ANGPTL1: variants seen among roughly 807,000 people sequenced by gnomAD.
ANGPTL1 encodes angiopoietin like 1, also known as angiopoietin-related protein 1.
Under a neutral mutation model 46.7 loss-of-function variants are expected in ANGPTL1, and 36 were observed. The ratio of observed to expected loss-of-function variants is 0.77; its 90% CI spans 0.59 to 1.02. ANGPTL1 has a LOEUF of 1.02. ANGPTL1 is among the 50% of genes least tolerant of loss of function. ANGPTL1 has a pLI of 0.00. For missense variants in ANGPTL1, 571 were observed against 594.7 expected, an observed-to-expected ratio of 0.96 and a Z score of 0.41; for synonymous variants, 221 against 204.3, an observed-to-expected ratio of 1.08 and a Z score of -0.69.
intron 3 of ANGPTL1, among the ~76,000 whole-genome samples, chr1:178,855,462 C>G (rs1457850949): frequency 1.3e-5 from 2 of 151,768 alleles, no homozygotes; most frequent in Non-Finnish European, 2.9e-5. Context: ...TATTATAGTT[C>G]ATTGATATTT....
intron 3 of ANGPTL1, among the ~76,000 whole-genome samples, chr1:178,857,188 A>G (rs1251938237): frequency 2.0e-5 from 3 of 152,204 alleles, no homozygotes. Flanking sequence ...ATTGCGTGTA[A>G]TGCAGGTAGT....
intron 3 of ANGPTL1, among the ~76,000 whole-genome samples, chr1:178,854,469 A>G (rs1339121568): frequency 1.3e-5 from 2 of 152,184 alleles, no homozygotes; most frequent in Non-Finnish European, 2.9e-5. Flanking sequence ...AATAAACCAG[A>G]TGCCCAAACT....
At position 178,851,032 on chromosome 1, in the gene ANGPTL1, A is replaced by G. The variant is rs1657139041; in HGVS notation, c.*97T>C. The G allele has an allele frequency of 8.5e-7, 1 of 1,170,314 alleles. No homozygotes were observed. The highest frequency in any genetic ancestry group is 2.2e-5 in the South Asian group (1 of 44,680). 72.5% of individuals were successfully genotyped at this position (1,170,314 alleles called of 1,614,324 possible). On this transcript the variant is annotated 3_prime_UTR_variant, in exon 6 of 6. Transcript: ENST00000234816. ...TTCATTTTAAAAACTTTCTGTGTAG[A>G]AATAAATTGTGCCAAGTAATATACA...
chr1:178,868,309 A>G (rs1422883739), intron 2 of ANGPTL1, among the ~76,000 whole-genome samples: 1 of 151,966 alleles, frequency 6.6e-6, no homozygotes, highest in East Asian at 1.9e-4. Flanking sequence ...ACAAGAAATA[A>G]AAGCCATCAT....
chr1:178,865,707 C>G lies in ANGPTL1; in HGVS notation c.70G>C (p.Gly24Arg), dbSNP rs773283978. The G allele has an allele frequency of 1.9e-6, 3 of 1,613,630 alleles. No homozygotes were observed. Among genetic ancestry groups the G allele is most frequent in the Admixed American group, 1.7e-5 (1 of 59,972 alleles). Reference sequence around the variant, plus strand: ...TTTATTTTTTTAATTTTGAATTGTCCACCTCTGCAATGTCCAGTGTCCACT... The same window carrying G: ...TTTATTTTTTTAATTTTGAATTGTCGACCTCTGCAATGTCCAGTGTCCACT... The part of the protein sequence containing the change: ...LLVDTGHCRG[G>R]QFKIKKINQR... The change falls in exon 3 of 6, where the codon GGA (glycine) becomes CGA (arginine). Residue 24 changes from glycine to arginine, a missense_variant. Gly to Arg is a moderately radical substitution (Grantham distance 125). Coordinates refer to ENST00000234816, the MANE Select transcript of ANGPTL1 (RefSeq NM_004673.4).
chr1:178,859,828 C>CCA (rs1657867646), intron 3 of ANGPTL1, among the ~76,000 whole-genome samples: 1 of 84,320 alleles, frequency 1.2e-5, no homozygotes, highest in Non-Finnish European at 2.7e-5. Context: ...CCGCCCCCCC[C>CCA]CCCCCAACCG....
At position 178,852,756 on chromosome 1, in the gene ANGPTL1, A is replaced by G. The variant is rs1180759705; in HGVS notation, c.1215T>C (p.Asn405=). The G allele has an allele frequency of 1.9e-6, 3 of 1,613,752 alleles. No individual in the cohort carries two copies. The highest frequency in any genetic ancestry group is 2.2e-5 in the South Asian group (2 of 91,074). ...YRLRLGTYQG[N]AGDSMMWHNG... ...TATGCCACATCATAGAATCCCCTGC[A>G]TTTCCCTGGTAAGTTCCCAGGCGCA... The change falls in exon 5 of 6, where the codon AAT becomes AAC. Residue 405 remains asparagine (N), a synonymous_variant. Coordinates refer to ENST00000234816, the MANE Select transcript of ANGPTL1 (RefSeq NM_004673.4).
chr1:178,860,113 G>T (rs949923164), intron 3 of ANGPTL1, among the ~76,000 whole-genome samples: 1 of 152,024 alleles, frequency 6.6e-6, no homozygotes, highest in Admixed American at 6.6e-5. Context: ...CATGGTGAAG[G>T]AACTTTCTCC....
intron 5 of ANGPTL1, among the ~76,000 whole-genome samples, chr1:178,852,241 C>G (rs1228548548): frequency 1.3e-5 from 2 of 152,120 alleles, no homozygotes; most frequent in Admixed American, 1.3e-4. Flanking sequence ...TTTCTATTTT[C>G]TTACTCAGTT....
chr1:178,865,350 G>A lies in ANGPTL1; in HGVS notation c.427C>T (p.Arg143Cys), dbSNP rs764978473. The change falls in exon 3 of 6, where the codon CGT (arginine) becomes TGT (cysteine). Residue 143 changes from arginine to cysteine, a missense_variant. By Grantham distance (180) the Arg-to-Cys change is radical (BLOSUM62 -3). Coordinates refer to ENST00000234816, the MANE Select transcript of ANGPTL1 (RefSeq NM_004673.4). ...LYMQLLHEIIRKRDNSLELSQ... is the reference protein window; with the variant it reads ...LYMQLLHEIICKRDNSLELSQ... ...AGTTCAAGTGAATTATCCCTCTTAC[G>A]GATAATCTCATGTAATAATTGCATA... The A allele has an allele frequency of 5.0e-6, 8 of 1,613,868 alleles. No individual in the cohort carries two copies. Among genetic ancestry groups the A allele is most frequent in the African/African-American group, 2.7e-5 (2 of 74,890 alleles).
chr1:178,866,322 TTA>T (rs1390970835), intron 2 of ANGPTL1, among the ~76,000 whole-genome samples: 2 of 152,308 alleles, frequency 1.3e-5, no homozygotes, highest in African/African-American at 4.8e-5. Context: ...CTGTAATAAA[TTA>T]TGTCATCTTC....
chr1:178,858,610 C>T (rs1657748646), intron 3 of ANGPTL1, among the ~76,000 whole-genome samples: 1 of 152,142 alleles, frequency 6.6e-6, no homozygotes, highest in Non-Finnish European at 1.5e-5. Context: ...AAGAACCAGT[C>T]TCTCTGTTCC....
At chr1:178,859,472 C>T (rs58850748) in intron 3 of ANGPTL1, among the ~76,000 whole-genome samples, 2,434 of 140,584 alleles carry the variant, frequency 0.017, 67 homozygotes, top group African/African-American at 0.06. Context: ...GTCACGATCT[C>T]GGCTCACTGC....
Position 178,850,561 on chromosome 1 carries a change from A to G in ANGPTL1, c.*568T>C, listed in dbSNP as rs1657107696. On this transcript the variant is annotated 3_prime_UTR_variant, in exon 6 of 6. Coordinates refer to ENST00000234816, the MANE Select transcript of ANGPTL1 (RefSeq NM_004673.4). The stretch of plus-strand genomic sequence containing the variant: ...TTAATACTATGGGTCATGTTTTGGG[A>G]AAATCAGCATAGGATATATTATTAA... The G allele has an allele frequency of 6.6e-6, 1 of 151,976 alleles. No homozygotes were observed. Among genetic ancestry groups the G allele is most frequent in the South Asian group, 2.1e-4 (1 of 4,832 alleles). The allele number at this position is 151,976 out of a possible 1,614,324, so 9.4% of individuals were successfully genotyped here. A position where few individuals can be genotyped will look rare whatever the true frequency, so the allele number is the denominator to read the frequency against.
At position 178,865,011 on chromosome 1, in the gene ANGPTL1, C is replaced by A; in HGVS notation, c.766G>T (p.Ala256Ser). 6.8e-7 allele frequency: 1 copy of A among 1,473,478 alleles called. No homozygotes were observed. The highest frequency in any genetic ancestry group is 9.0e-7 in the Non-Finnish European group (1 of 1,112,162). The allele number at this position is 1,473,478 out of a possible 1,614,324, so 91.3% of individuals were successfully genotyped here. Residue 256 changes from alanine to serine, a missense_variant, in exon 3 of 6, where the codon GCA (alanine) becomes TCA (serine). Coordinates refer to ENST00000234816, the MANE Select transcript of ANGPTL1 (RefSeq NM_004673.4). ...PRDLMPPPDL[A>S]TSPTKSPFKI... ...AAAGGGCTTTTGGTGGGAGAAGTTG[C>A]CAGATCAGGTGGTGGCATTAAATCT...
chr1:178,863,282 T>G (rs759194284), intron 3 of ANGPTL1, among the ~76,000 whole-genome samples: 1 of 152,142 alleles, frequency 6.6e-6, no homozygotes, highest in South Asian at 2.1e-4. Flanking sequence ...GCCAAGCTTA[T>G]TTGGAAATGG....
At chr1:178,862,356 C>A (rs1572419695) in intron 3 of ANGPTL1, among the ~76,000 whole-genome samples, 1 of 152,016 alleles carries the variant, frequency 6.6e-6, no homozygotes, top group East Asian at 1.9e-4. Context: ...TCAACTAACA[C>A]ATATTTAGCA....
intron 4 of ANGPTL1, 138 bp from the exon 5 acceptor site, chr1:178,853,091 C>T: frequency 1.4e-6 from 2 of 1,429,548 alleles, no homozygotes; most frequent in Non-Finnish European, 1.8e-6. Context: ...TTTAGTTGGT[C>T]ACTTGCGTTT....
rs565304996 is a variant in ANGPTL1, at chr1:178,854,736, T to G, written c.824-949A>C. Among the ~76,000 whole-genome samples the G allele has an allele frequency of 5.3e-5, 8 of 152,294 alleles. No homozygotes were observed. In the South Asian group the frequency reaches 1.7e-3, roughly 32 times the overall value. ...CCTTGTCTAATCCCAGAGTCCCTGC[T>G]CTGAACTGCTGTGTTGCATGCATTT... On this transcript the variant is annotated intron_variant, in intron 3 of 5. Coordinates refer to ENST00000234816, the MANE Select transcript of ANGPTL1 (RefSeq NM_004673.4).
Sources: allele counts gnomAD v4.1 joint callset (sites outside exome capture counted in the v4.1 genomes callset), GRCh38; gene constraint gnomAD v4.1.1; transcripts MANE v1.5; gene names NCBI Gene and HGNC (gene_info 2026-07-23, HGNC 2026-07-21).